Variants in CAST observed in about 807,000 individuals in gnomAD.
CAST encodes MIR583 host.
Under a neutral mutation model 119.6 loss-of-function variants are expected in CAST, and 76 were observed. The ratio of observed to expected loss-of-function variants is 0.64; its 90% CI spans 0.53 to 0.77. CAST has a LOEUF of 0.77. Ranked by LOEUF, CAST falls within the 30% of genes least tolerant of loss-of-function variation. The probability of loss-of-function intolerance (pLI) is 0.00; values close to 1 mark genes in which losing one functional copy is unlikely to be tolerated. For missense variants in CAST, 953 were observed against 946.5 expected (o/e 1.01, Z -0.09); for synonymous variants, 319 against 331.6 (o/e 0.96, Z 0.41).
Position 96,743,699 on chromosome 5 carries a change from G to A in CAST, c.1200+943G>A, listed in dbSNP as rs543447402. On this transcript the variant is annotated intron_variant, in intron 16 of 31. Transcript: ENST00000675179. ...AGTGTGGCACGATAAGCTTTGTGAC[G>A]GTGAACGCAGAGGAGCAAGAGAAGC... 4.5e-5 allele frequency: 73 copies of A among 1,611,864 alleles called. No individual in the cohort carries two copies. The East Asian group carries it at 1.1e-3, about 25-fold the overall frequency.
the CAST span, among the ~76,000 whole-genome samples, chr5:96,491,905 C>T: frequency 4.6e-5 from 7 of 152,162 alleles, no homozygotes; most frequent in Admixed American, 1.3e-4. Context: ...ACATAGTATA[C>T]GATTCAATCA....
the CAST span, among the ~76,000 whole-genome samples, chr5:96,500,505 T>C: frequency 8.5e-5 from 13 of 152,330 alleles, no homozygotes; most frequent in African/African-American, 3.1e-4. Flanking sequence ...ACTGACATCA[T>C]CAATAACCTA....
At chr5:96,680,566 G>A (rs981043294) in intron 2 of CAST, among the ~76,000 whole-genome samples, 4 of 151,182 alleles carry the variant, frequency 2.6e-5, no homozygotes, top group African/African-American at 9.8e-5. Flanking sequence ...ACCATTATAG[G>A]GCCTAGTCTG....
At chr5:96,360,905 G>A in the CAST span, among the ~76,000 whole-genome samples, 3 of 152,232 alleles carry the variant, frequency 2.0e-5, no homozygotes, top group Admixed American at 1.3e-4. Flanking sequence ...AGGCAGGAAT[G>A]TTTAAGTCTG....
chr5:96,024,986 C>T, the CAST span, among the ~76,000 whole-genome samples: 1 of 152,154 alleles, frequency 6.6e-6, no homozygotes, highest in East Asian at 1.9e-4. Context: ...ACCACATTAA[C>T]ACGTTTTTCT....
At chr5:96,421,058 T>C in the CAST span, among the ~76,000 whole-genome samples, 82 of 152,306 alleles carry the variant, frequency 5.4e-4, no homozygotes, top group South Asian at 2.1e-3. Context: ...AGAACATCGG[T>C]ATGAGCAAAG....
chr5:96,396,977 C>T, the CAST span, among the ~76,000 whole-genome samples: 1 of 152,166 alleles, frequency 6.6e-6, no homozygotes, highest in Admixed American at 6.5e-5. Context: ...GAATGTCACA[C>T]CAAAGTTGGT....
intron 1 of CAST, among the ~76,000 whole-genome samples, chr5:96,627,299 T>G (rs1014903999): frequency 6.6e-6 from 1 of 152,200 alleles, no homozygotes; most frequent in African/African-American, 2.4e-5. Flanking sequence ...TATGAAAGTT[T>G]TTGAGAAAGT....
intron 1 of CAST, among the ~76,000 whole-genome samples, chr5:96,591,236 G>C (rs1032875625): frequency 1.2e-4 from 19 of 152,242 alleles, no homozygotes; most frequent in Admixed American, 7.9e-4. Flanking sequence ...CTAGTTTAAA[G>C]AGAGTTTATT....
chr5:96,730,896 T>G, intron 9 of CAST, 36 bp downstream of exon 9: 2 of 1,472,960 alleles, frequency 1.4e-6, no homozygotes, highest in Non-Finnish European at 1.9e-6. Flanking sequence ...CGTGGGCCTC[T>G]GTGCTTCTCA....
intron 1 of CAST, among the ~76,000 whole-genome samples, chr5:96,548,419 T>C (rs1403187911): frequency 6.6e-6 from 1 of 152,174 alleles, no homozygotes; most frequent in African/African-American, 2.4e-5. Flanking sequence ...CCATCTGTTT[T>C]GTTCTTAGGG....
intron 3 of CAST, among the ~76,000 whole-genome samples, chr5:96,711,588 G>T (rs1016689560): frequency 4.6e-5 from 7 of 152,190 alleles, no homozygotes; most frequent in African/African-American, 1.7e-4. Context: ...TTTTATAAAT[G>T]AGGAGACTGA....
the CAST span, among the ~76,000 whole-genome samples, chr5:96,449,120 T>A: frequency 2.0e-5 from 3 of 152,162 alleles, no homozygotes; most frequent in African/African-American, 7.2e-5. Context: ...TGTTTTAGTT[T>A]TAGGCATTAT....
chr5:96,634,178 T>A (rs1405750555), intron 1 of CAST, among the ~76,000 whole-genome samples: 1 of 152,228 alleles, frequency 6.6e-6, no homozygotes, highest in Admixed American at 6.5e-5. Flanking sequence ...TTCAGAAGAA[T>A]GTGCAGATTT....
At chr5:96,392,797 A>C in the CAST span, 1 of 624,894 alleles carries the variant, frequency 1.6e-6, no homozygotes, top group Middle Eastern at 3.3e-4. Flanking sequence ...TGTGTTTTGA[A>C]ATACCTATGA....
At chr5:96,615,312 C>A (rs73134518) in intron 1 of CAST, among the ~76,000 whole-genome samples, 1 of 152,054 alleles carries the variant, frequency 6.6e-6, no homozygotes, top group African/African-American at 2.4e-5. Context: ...CATCGTAAGC[C>A]AAAGAGCAGC....
the CAST span, among the ~76,000 whole-genome samples, chr5:96,299,119 C>A: frequency 6.6e-6 from 1 of 151,912 alleles, no homozygotes; most frequent in Non-Finnish European, 1.5e-5. Flanking sequence ...GTGGTGGGCA[C>A]CTGTAATCCC....
the CAST span, among the ~76,000 whole-genome samples, chr5:96,112,774 A>T: frequency 6.6e-6 from 1 of 152,210 alleles, no homozygotes; most frequent in African/African-American, 2.4e-5. Flanking sequence ...TGCTCAGAAC[A>T]TTTATGTTAG....
chr5:96,218,706 A>G, the CAST span, among the ~76,000 whole-genome samples: 1 of 152,168 alleles, frequency 6.6e-6, no homozygotes, highest in South Asian at 2.1e-4. Flanking sequence ...TAACTCCTAC[A>G]TGTGCTAGGT....
Sources: allele counts gnomAD v4.1 joint callset (sites outside exome capture counted in the v4.1 genomes callset), GRCh38; gene constraint gnomAD v4.1.1; transcripts MANE v1.5; gene names NCBI Gene and HGNC (gene_info 2026-07-23, HGNC 2026-07-21).